Variants in PHF14 observed in about 807,000 individuals in gnomAD.
The protein encoded by PHF14 is PHD finger protein 14.
In PHF14, 55 loss-of-function variants were observed where a neutral mutation model predicts 117.9. The ratio of observed to expected loss-of-function variants is 0.47; its 90% CI spans 0.38 to 0.58. The LOEUF (loss-of-function observed/expected upper bound fraction) is 0.58. PHF14 is among the 20% of genes least tolerant of loss of function. The probability of loss-of-function intolerance (pLI) is 0.00; values close to 1 mark genes in which losing one functional copy is unlikely to be tolerated. For missense variants in PHF14, 978 were observed against 1,122.2 expected (o/e 0.87, Z 1.84); for synonymous variants, 409 against 368.6 (o/e 1.11, Z -1.26).
intron 16 of PHF14, among the ~76,000 whole-genome samples, chr7:11,066,574 G>C (rs1477375015): frequency 1.3e-5 from 2 of 152,238 alleles, no homozygotes; most frequent in African/African-American, 4.8e-5. Context: ...TTTTATATGA[G>C]CTATCTGAAA....
intron 17 of PHF14, among the ~76,000 whole-genome samples, chr7:11,128,181 A>G (rs1477050417): frequency 6.6e-6 from 1 of 152,112 alleles, no homozygotes; most frequent in Non-Finnish European, 1.5e-5. Flanking sequence ...AATTTAAACC[A>G]GACCTCATTG....
At chr7:11,072,126 G>A (rs947449105) in intron 16 of PHF14, among the ~76,000 whole-genome samples, 7 of 152,200 alleles carry the variant, frequency 4.6e-5, no homozygotes, top group African/African-American at 1.4e-4. Flanking sequence ...TCTGCAGGCT[G>A]TAAGGGAAGC....
chr7:10,987,561 C>A (rs1413726960), intron 3 of PHF14, among the ~76,000 whole-genome samples: 1 of 151,918 alleles, frequency 6.6e-6, no homozygotes, highest in African/African-American at 2.4e-5. Flanking sequence ...TTGATTTATT[C>A]ATATACTGTC....
chr7:11,051,488 C>A (rs912298985), intron 13 of PHF14, 124 bp from the exon 14 acceptor site: 72 of 715,814 alleles, frequency 1.0e-4, no homozygotes, highest in Non-Finnish European at 1.4e-4. Context: ...ACCCTATAAT[C>A]ACATTACCTG....
intron 17 of PHF14, among the ~76,000 whole-genome samples, chr7:11,112,912 G>T (rs1787491055): frequency 6.6e-6 from 1 of 151,888 alleles, no homozygotes; most frequent in Non-Finnish European, 1.5e-5. Context: ...TTTTATTAAG[G>T]CCTAGATTTA....
intron 5 of PHF14, among the ~76,000 whole-genome samples, chr7:11,017,784 C>T (rs114860498): frequency 0.026 from 3,927 of 151,988 alleles, 133 homozygotes; most frequent in East Asian, 0.1. Context: ...TGATATCTTT[C>T]GTCTGTTTTT....
chr7:11,114,942 G>T (rs1472456468), intron 17 of PHF14, among the ~76,000 whole-genome samples: 1 of 151,892 alleles, frequency 6.6e-6, no homozygotes, highest in East Asian at 1.9e-4. Flanking sequence ...CCTTTACTGT[G>T]TTGTGAAAAT....
In PHF14 at chr7:11,133,592, T is replaced by A. The variant is rs180833658; in HGVS notation, c.2772+22125T>A. On this transcript the variant is annotated intron_variant, in intron 17 of 17. Transcript: ENST00000634607. The stretch of plus-strand genomic sequence containing the variant: ...GGAGCCCATTAGAGGAAGTTAGGGA[T>A]CAGAAGAGGACAGGAAAAGCTAATC... Among the ~76,000 whole-genome samples the A allele has an allele frequency of 1.3e-5, 2 of 152,066 alleles. 1 individual carries two copies. The highest frequency in any genetic ancestry group is 4.8e-5 in the African/African-American group (2 of 41,540).
At chr7:11,009,429 A>C (rs1783257761) in intron 4 of PHF14, among the ~76,000 whole-genome samples, 1 of 152,198 alleles carries the variant, frequency 6.6e-6, no homozygotes, top group Admixed American at 6.5e-5. Context: ...GATTGATGCT[A>C]ATTAAATGGC....
chr7:11,122,271 G>A (rs1380448022), intron 17 of PHF14, among the ~76,000 whole-genome samples: 1 of 146,432 alleles, frequency 6.8e-6, no homozygotes, highest in African/African-American at 2.6e-5. Context: ...AGTTTACCAT[G>A]GGTAACTGAA....
In PHF14 at chr7:11,106,551, A is replaced by G. The variant is rs1017525828; in HGVS notation, c.2655-4799A>G. On this transcript the variant is annotated intron_variant, in intron 16 of 17. Transcript: ENST00000634607. ...AATGCAGAATTTTGTGCAAGCTTGT[A>G]TTATTTGTAAAGTGATTTAACTCAT... is the stretch of plus-strand genomic sequence containing the variant. 14 of 982,476 alleles carry G rather than the reference A, an allele frequency of 1.4e-5. No individual in the cohort carries two copies. The African/African-American group carries it at 2.5e-4, about 17-fold the overall frequency. The allele number at this position is 982,476 out of a possible 1,614,324, so 60.9% of individuals were successfully genotyped here. A position where few individuals can be genotyped will look rare whatever the true frequency, so the allele number is the denominator to read the frequency against.
chr7:11,095,495 T>G (rs1026515618), intron 16 of PHF14, among the ~76,000 whole-genome samples: 3 of 152,186 alleles, frequency 2.0e-5, no homozygotes, highest in African/African-American at 7.2e-5. Context: ...ATTTCCCAAT[T>G]TTTTTGAGAG....
chr7:11,014,707 T>C (rs957012987), intron 5 of PHF14, among the ~76,000 whole-genome samples: 2 of 152,196 alleles, frequency 1.3e-5, no homozygotes, highest in East Asian at 1.9e-4. Context: ...CTTAGTGTTA[T>C]GCTCACTCTG....
intron 2 of PHF14, among the ~76,000 whole-genome samples, chr7:10,977,133 G>C (rs1456147339): frequency 1.3e-5 from 2 of 151,722 alleles, no homozygotes; most frequent in African/African-American, 2.4e-5. Flanking sequence ...TATTTAGTTG[G>C]AGTCTTGTAG....
intron 17 of PHF14, among the ~76,000 whole-genome samples, chr7:11,132,493 G>A (rs948220332): frequency 2.0e-5 from 3 of 151,678 alleles, no homozygotes; most frequent in African/African-American, 7.2e-5. Context: ...CCATTTGTCT[G>A]TTAATGGGCG....
At chr7:11,077,599 TAAA>T (rs10658162) in intron 16 of PHF14, among the ~76,000 whole-genome samples, 6 of 105,058 alleles carry the variant, frequency 5.7e-5, no homozygotes, top group Non-Finnish European at 7.2e-5. Flanking sequence ...GACTCTGTCT[TAAA>T]AAAAAAAAAA....
rs139333043 is a variant in PHF14 at position 11,040,649 on chromosome 7, A to G, written c.2077-23A>G. ...TTATTTCTTTCTTAAAACAATATAT[A>G]CTACATTTGTTCAAATCAATAGAAG... On this transcript the variant is annotated intron_variant, in intron 11 of 17. Coordinates refer to ENST00000634607, the MANE Select transcript of PHF14 (RefSeq NM_001007157.2). 1.6e-4 allele frequency: 200 copies of G among 1,281,894 alleles called. 2 individuals are homozygous for G. The African/African-American group carries it at 2.6e-3, about 17-fold the overall frequency. The allele number at this position is 1,281,894 out of a possible 1,614,324, so 79.4% of individuals were successfully genotyped here. A position where few individuals can be genotyped will look rare whatever the true frequency, so the allele number is the denominator to read the frequency against.
chr7:11,090,051 G>A (rs774072166), intron 16 of PHF14, among the ~76,000 whole-genome samples: 22 of 152,174 alleles, frequency 1.4e-4, no homozygotes, highest in Non-Finnish European at 2.6e-4. Flanking sequence ...GATTACAGGC[G>A]TGAGCCACCT....
At chr7:11,106,152 AT>A (rs1787253536) in intron 16 of PHF14, 1 of 982,660 alleles carries the variant, frequency 1.0e-6, no homozygotes, top group East Asian at 1.1e-4. Context: ...CTTGTTTCAC[AT>A]TTAATCTTGT....
Sources: gnomAD v4.1 joint callset for allele counts (sites outside exome capture counted in the v4.1 genomes callset) on GRCh38, gnomAD v4.1.1 for gene constraint, MANE v1.5 for transcripts, NCBI Gene and HGNC (gene_info 2026-07-23, HGNC 2026-07-21) for gene names.